DPH6: variants seen among roughly 807,000 people sequenced by gnomAD.
The protein encoded by DPH6 is diphthine--ammonia ligase.
In DPH6, 33 loss-of-function variants were observed where a neutral mutation model predicts 38.2. The ratio of observed to expected loss-of-function variants is 0.86; its 90% CI spans 0.65 to 1.15. The LOEUF (loss-of-function observed/expected upper bound fraction) is 1.15, where lower values mean the gene tolerates loss of function less well. Ranked by LOEUF, DPH6 falls within the 50% of genes most tolerant of loss-of-function variation. The pLI is 0.00. For synonymous variants in DPH6, 108 were observed against 103.0 expected (o/e 1.05, Z -0.30); for missense variants, 325 against 320.0 (o/e 1.02, Z -0.12).
chr15:35,341,152 C>T (rs896200472), intron 3 of DPH6, among the ~76,000 whole-genome samples: 5 of 152,044 alleles, frequency 3.3e-5, no homozygotes, highest in East Asian at 1.9e-4. Context: ...TTCTTTCCTC[C>T]GCTCAGTCTA....
chr15:35,354,208 C>A (rs2052540095), intron 3 of DPH6, among the ~76,000 whole-genome samples: 1 of 152,204 alleles, frequency 6.6e-6, no homozygotes, highest in African/African-American at 2.4e-5. Flanking sequence ...CCTAGAGATA[C>A]AATCTTGTCA....
intron 3 of DPH6, among the ~76,000 whole-genome samples, chr15:35,500,804 ACT>A (rs2054616682): frequency 6.6e-6 from 1 of 152,020 alleles, no homozygotes; most frequent in Non-Finnish European, 1.5e-5. Context: ...ATAGAGTCTC[ACT>A]CTGTCGCAGT....
Position 35,461,485 on chromosome 15 carries a change from T to C in DPH6, c.313-6665A>G, listed in dbSNP as rs554814688. On this transcript the variant is annotated intron_variant, in intron 3 of 8. Coordinates refer to ENST00000256538, the MANE Select transcript of DPH6 (RefSeq NM_080650.4). ...GTTGATTTTTGCAACTGGGAGTGCA[T>C]GGGAGTATGCATGCACATGCACATA... 3.3e-5 allele frequency among the ~76,000 whole-genome samples: 5 copies of C among 152,258 alleles called. No individual in the cohort carries two copies. The East Asian group carries it at 9.6e-4, about 29-fold the overall frequency.
In DPH6 at chr15:35,372,036, TA is replaced by T; in HGVS notation, c.*113del. On this transcript the variant is annotated 3_prime_UTR_variant, in exon 9 of 9. Transcript: ENST00000256538. Reference sequence around the variant, plus strand: ...CTCTTCTAGTGAAAGTATGTTTCTCTAAAAAAATAAGAGTCATGAGAAAAAA... The same window carrying T: ...CTCTTCTAGTGAAAGTATGTTTCTCTAAAAAATAAGAGTCATGAGAAAAAA... 2 of 1,428,896 alleles carry T rather than the reference TA, an allele frequency of 1.4e-6. No homozygotes were observed. The highest frequency in any genetic ancestry group is 1.5e-5 in the African/African-American group (1 of 66,658). The allele number at this position is 1,428,896 out of a possible 1,614,324, so 88.5% of individuals were successfully genotyped here.
At chr15:35,405,219 G>C (rs2053276093) in intron 6 of DPH6, among the ~76,000 whole-genome samples, 1 of 150,696 alleles carries the variant, frequency 6.6e-6, no homozygotes, top group Admixed American at 6.6e-5. Flanking sequence ...ATAAATTTTA[G>C]GATTTTTTTT....
intron 3 of DPH6, among the ~76,000 whole-genome samples, chr15:35,336,663 T>A (rs181973703): frequency 1.8e-4 from 28 of 152,346 alleles, no homozygotes; most frequent in Admixed American, 1.2e-3. Flanking sequence ...GAAGAGTTGT[T>A]GAATTTTGTC....
intron 3 of DPH6, among the ~76,000 whole-genome samples, chr15:35,256,580 C>A (rs1437075709): frequency 6.6e-6 from 1 of 152,172 alleles, no homozygotes. Flanking sequence ...CAGCAACAAT[C>A]TGCAAAAGAG....
downstream of DPH6, among the ~76,000 whole-genome samples, chr15:35,326,893 A>G (rs1288045477): frequency 6.6e-6 from 1 of 152,194 alleles, no homozygotes; most frequent in Non-Finnish European, 1.5e-5. Context: ...AAGAAAAACT[A>G]AAGAAGTAAA....
chr15:35,399,136 A>G (rs1011369722), intron 6 of DPH6, among the ~76,000 whole-genome samples: 1 of 152,134 alleles, frequency 6.6e-6, no homozygotes, highest in African/African-American at 2.4e-5. Flanking sequence ...AGACCAAAAC[A>G]AACAGTGAGG....
At chr15:35,447,802 CA>C (rs35352933) in intron 5 of DPH6, among the ~76,000 whole-genome samples, 12,426 of 149,394 alleles carry the variant, frequency 0.083, 557 homozygotes, top group African/African-American at 0.1. Context: ...GCAAAACTAA[CA>C]AAAAAAAAAT....
At chr15:35,220,142 TATC>T (rs1200650311) in exon 4 of DPH6, 6 of 152,240 alleles carry the variant, frequency 3.9e-5, no homozygotes, top group African/African-American at 9.6e-5. Flanking sequence ...ATACTTGTGA[TATC>T]ATATATCTCT....
chr15:35,355,613 C>T (rs1455404595), intron 3 of DPH6, among the ~76,000 whole-genome samples: 2 of 152,138 alleles, frequency 1.3e-5, no homozygotes, highest in African/African-American at 4.8e-5. Context: ...GAATATTGGC[C>T]CCCACTCTCT....
At chr15:35,253,907 T>C (rs921762884) in intron 3 of DPH6, among the ~76,000 whole-genome samples, 17 of 152,212 alleles carry the variant, frequency 1.1e-4, no homozygotes, top group Non-Finnish European at 2.2e-4. Flanking sequence ...GCATCAGATC[T>C]TTTCCATGGG....
intron 5 of DPH6, among the ~76,000 whole-genome samples, chr15:35,426,240 T>C (rs2053569597): frequency 6.6e-6 from 1 of 151,782 alleles, no homozygotes; most frequent in Non-Finnish European, 1.5e-5. Flanking sequence ...TAAGGTACTT[T>C]GCATAAAGGT....
downstream of DPH6, among the ~76,000 whole-genome samples, chr15:35,328,678 T>C (rs967504712): frequency 3.3e-5 from 5 of 152,192 alleles, no homozygotes; most frequent in African/African-American, 1.2e-4. Flanking sequence ...ATTCTTAATA[T>C]TGAGAAGTTT....
At chr15:35,253,633 TCTG>T (rs1165295087) in intron 3 of DPH6, among the ~76,000 whole-genome samples, 1 of 152,236 alleles carries the variant, frequency 6.6e-6, no homozygotes, top group Non-Finnish European at 1.5e-5. Flanking sequence ...TTCCCACATT[TCTG>T]CTTTCTCCCA....
intron 3 of DPH6, among the ~76,000 whole-genome samples, chr15:35,281,059 T>C (rs547150048): frequency 2.5e-4 from 38 of 152,222 alleles, no homozygotes; most frequent in African/African-American, 9.1e-4. Context: ...ACCCATTAAC[T>C]TGTCATTTAG....
intron 3 of DPH6, among the ~76,000 whole-genome samples, chr15:35,306,132 A>G (rs571011782): frequency 1.8e-4 from 28 of 152,140 alleles, no homozygotes; most frequent in African/African-American, 6.7e-4. Context: ...CTTTAGTAAG[A>G]CTCCAGTAAA....
chr15:35,334,038 G>A (rs1457010770), intron 3 of DPH6, among the ~76,000 whole-genome samples: 6 of 150,976 alleles, frequency 4.0e-5, no homozygotes, highest in South Asian at 2.1e-4. Flanking sequence ...AACCAAACAC[G>A]GATCTAAATA....
Sources: allele counts gnomAD v4.1 joint callset (sites outside exome capture counted in the v4.1 genomes callset), GRCh38; gene constraint gnomAD v4.1.1; transcripts MANE v1.5; gene names NCBI Gene and HGNC (gene_info 2026-07-23, HGNC 2026-07-21).